HIP1: variants seen among roughly 807,000 people sequenced by gnomAD.
HIP1 encodes huntingtin interacting protein 1.
Under a neutral mutation model 147.6 loss-of-function variants are expected in HIP1, and 65 were observed. The observed-to-expected ratio is 0.44, with a 90% confidence interval of 0.36 to 0.54. The LOEUF (loss-of-function observed/expected upper bound fraction) is 0.54. Among genes scored for constraint, HIP1 ranks in the 20% least tolerant of loss-of-function variants. The pLI, the probability that HIP1 is intolerant of heterozygous loss-of-function variation, is 0.00. For missense variants in HIP1, 1,061 were observed against 1,299.6 expected (o/e 0.82, Z 2.82); for synonymous variants, 479 against 504.0 (o/e 0.95, Z 0.67).
intron 2 of HIP1, among the ~76,000 whole-genome samples, chr7:75,595,275 CCTTCCTTCCTTT>C (rs1236960474): frequency 6.0e-4 from 43 of 71,518 alleles, no homozygotes; most frequent in Non-Finnish European, 9.5e-4. Context: ...TTCCTTCCTT[CCTTCCTTCCTTT>C]CTTTCTTTCT....
intron 1 of HIP1, among the ~76,000 whole-genome samples, chr7:75,695,969 GC>G (rs1215190846): frequency 6.6e-5 from 10 of 151,678 alleles, no homozygotes; most frequent in Non-Finnish European, 1.5e-4. Context: ...CTTGGCATTT[GC>G]TTTCCTCCTG....
At chr7:75,538,412 C>A (rs1554489180) in intron 30 of HIP1, among the ~76,000 whole-genome samples, 188 bp from the exon 31 acceptor site, 1 of 152,002 alleles carries the variant, frequency 6.6e-6, no homozygotes, top group African/African-American at 2.4e-5. Flanking sequence ...CAGAGTCAGT[C>A]AAGTCCACTA....
chr7:75,664,045 T>C (rs1554514115), intron 1 of HIP1, among the ~76,000 whole-genome samples: 1 of 78,484 alleles, frequency 1.3e-5, no homozygotes, highest in East Asian at 3.4e-4. Flanking sequence ...TATACACATA[T>C]ATGTGTATAT....
intron 1 of HIP1, among the ~76,000 whole-genome samples, chr7:75,634,537 A>G (rs781922102): frequency 6.6e-6 from 1 of 152,248 alleles, no homozygotes; most frequent in Non-Finnish European, 1.5e-5. Flanking sequence ...ATGGAATATC[A>G]GATGTCACTT....
chr7:75,631,498 C>T (rs970100992), intron 1 of HIP1, among the ~76,000 whole-genome samples: 1 of 152,132 alleles, frequency 6.6e-6, no homozygotes, highest in African/African-American at 2.4e-5. Context: ...CCTCTGTGCA[C>T]AGGGGACAGG....
In HIP1 at chr7:75,624,727, C is replaced by T. The variant is rs181295975; in HGVS notation, c.121-25480G>A. 3.3e-5 allele frequency among the ~76,000 whole-genome samples: 5 copies of T among 152,306 alleles called. No individual in the cohort carries two copies. In the East Asian group the frequency reaches 9.6e-4, roughly 29 times the overall value. The stretch of plus-strand genomic sequence containing the variant: ...TCTTAGAATTCATTCCTGTCCTTCC[C>T]TTTCCCAAATACGTCCTGTCTAATT... On this transcript the variant is annotated intron_variant, in intron 1 of 30. Transcript: ENST00000336926.
At chr7:75,722,029 C>T (rs797032928) in intron 1 of HIP1, among the ~76,000 whole-genome samples, 10 of 152,298 alleles carry the variant, frequency 6.6e-5, no homozygotes, top group African/African-American at 1.7e-4. Flanking sequence ...GCACGCTAGG[C>T]GTGGTGGCTC....
At chr7:75,572,944 C>T (rs1554496959) in intron 8 of HIP1, among the ~76,000 whole-genome samples, 2 of 152,238 alleles carry the variant, frequency 1.3e-5, no homozygotes, top group Non-Finnish European at 1.5e-5. Context: ...TGGCTTCTCC[C>T]TGCTGTCGGC....
Position 75,534,425 on chromosome 7 carries a change from T to TTC in HIP1, c.*3745_*3746dup, listed in dbSNP as rs1198328673. On this transcript the variant is annotated 3_prime_UTR_variant, in exon 31 of 31. Transcript: ENST00000336926. ...AAGATGGCTCTTCTCTTCTATTTCT[T>TTC]TCTCTCTCTCTCTCTTTTTTTTTTT... is the stretch of plus-strand genomic sequence containing the variant. The TTC allele has an allele frequency of 1.2e-4, 23 of 188,588 alleles. No homozygotes were observed. Among genetic ancestry groups the TTC allele is most frequent in the Non-Finnish European group, 1.9e-4 (17 of 90,178 alleles). The allele number at this position is 188,588 out of a possible 1,614,324, so 11.7% of individuals were successfully genotyped here.
chr7:75,632,678 G>A (rs926939758), intron 1 of HIP1, among the ~76,000 whole-genome samples: 1 of 151,652 alleles, frequency 6.6e-6, no homozygotes, highest in Non-Finnish European at 1.5e-5. Flanking sequence ...GATTACAGGT[G>A]TGAGCCACTG....
chr7:75,557,497 G>C (rs112740942), intron 16 of HIP1, among the ~76,000 whole-genome samples, 157 bp downstream of exon 16: 1 of 152,086 alleles, frequency 6.6e-6, no homozygotes, highest in Non-Finnish European at 1.5e-5. Context: ...CACTGGTGAC[G>C]GTGTTTTGCT....
intron 1 of HIP1, among the ~76,000 whole-genome samples, chr7:75,655,862 G>A (rs782409753): frequency 1.3e-5 from 2 of 152,146 alleles, no homozygotes; most frequent in African/African-American, 2.4e-5. Context: ...GCTCACACCT[G>A]TAATCCCAGC....
intron 1 of HIP1, among the ~76,000 whole-genome samples, chr7:75,734,178 G>A (rs140989381): frequency 0.016 from 2,422 of 151,932 alleles, 64 homozygotes; most frequent in African/African-American, 0.051. Flanking sequence ...CCCAGGAGGC[G>A]AAGGTTGTAG....
rs1794147395 is a variant in HIP1, at chr7:75,537,894, C to T, written c.*278G>A. On this transcript the variant is annotated 3_prime_UTR_variant, in exon 31 of 31. Coordinates refer to ENST00000336926, the MANE Select transcript of HIP1 (RefSeq NM_005338.7). ...TCTGTTGAGTGGCCCTGCCCCCCAC[C>T]ACCCCTCTTCGTACCTAGGCTTGCT... 4.0e-6 allele frequency: 2 copies of T among 497,558 alleles called. No homozygotes were observed. The highest frequency in any genetic ancestry group is 6.7e-5 in the East Asian group (2 of 29,738). The allele number at this position is 497,558 out of a possible 1,614,324, so 30.8% of individuals were successfully genotyped here. A position where few individuals can be genotyped will look rare whatever the true frequency, so the allele number is the denominator to read the frequency against.
chr7:75,678,512 T>C (rs575990423), intron 1 of HIP1, among the ~76,000 whole-genome samples: 1 of 152,020 alleles, frequency 6.6e-6, no homozygotes, highest in South Asian at 2.1e-4. Context: ...CCCGGCTAAT[T>C]TTTGTATTTT....
chr7:75,702,022 C>T (rs1188414263), intron 1 of HIP1, among the ~76,000 whole-genome samples: 3 of 151,238 alleles, frequency 2.0e-5, no homozygotes, highest in Admixed American at 6.6e-5. Context: ...CTCTGCCTCC[C>T]GGGTTCAAGC....
At chr7:75,634,545 C>T (rs1798356877) in intron 1 of HIP1, among the ~76,000 whole-genome samples, 1 of 152,220 alleles carries the variant, frequency 6.6e-6, no homozygotes, top group South Asian at 2.1e-4. Flanking sequence ...TCAGATGTCA[C>T]TTTTCTGAAC....
At chr7:75,567,657 T>G (rs1301419021) in intron 9 of HIP1, among the ~76,000 whole-genome samples, 1 of 150,714 alleles carries the variant, frequency 6.6e-6, no homozygotes, top group Non-Finnish European at 1.5e-5. Context: ...AAAAATTAGC[T>G]GGGCATGGTG....
chr7:75,578,922 TCTC>T (rs1294642166), intron 7 of HIP1, among the ~76,000 whole-genome samples: 3 of 152,138 alleles, frequency 2.0e-5, no homozygotes, highest in Non-Finnish European at 4.4e-5. Context: ...TTCAAGCAAT[TCTC>T]CTGCCTCAGC....
Sources: gnomAD v4.1 joint callset for allele counts (sites outside exome capture counted in the v4.1 genomes callset) on GRCh38, gnomAD v4.1.1 for gene constraint, MANE v1.5 for transcripts, NCBI Gene and HGNC (gene_info 2026-07-23, HGNC 2026-07-21) for gene names.